The following LRRFIP1 variants were observed in gnomAD, a reference collection of about 807,000 sequenced individuals.
LRRFIP1 encodes LRR binding FLII interacting protein 1.
LRRFIP1 carries 62 observed loss-of-function variants against 104.4 expected under a neutral mutation model. The observed-to-expected ratio is 0.59, with a 90% confidence interval of 0.48 to 0.73. LRRFIP1 has a LOEUF of 0.73. LRRFIP1 is among the 30% of genes least tolerant of loss of function. The pLI is 0.00. For synonymous variants in LRRFIP1, 300 were observed against 299.0 expected, an observed-to-expected ratio of 1.00 and a Z score of -0.03; for missense variants, 796 against 824.5, an observed-to-expected ratio of 0.97 and a Z score of 0.42.
At chr2:237,723,860 C>T (rs113681369) in intron 7 of LRRFIP1, among the ~76,000 whole-genome samples, 4 of 152,348 alleles carry the variant, frequency 2.6e-5, no homozygotes, top group African/African-American at 4.8e-5. Flanking sequence ...CTGTTTGCCA[C>T]GCCTTGTGTT....
intron 19 of LRRFIP1, chr2:237,764,037 C>T (rs1485576305): frequency 7.4e-6 from 12 of 1,614,018 alleles, no homozygotes; most frequent in South Asian, 1.1e-5. Context: ...GATGACTTGT[C>T]GGCACCAGGA....
At chr2:237,671,320 A>G (rs74001243) in intron 1 of LRRFIP1, among the ~76,000 whole-genome samples, 2,995 of 152,302 alleles carry the variant, frequency 0.02, 74 homozygotes, top group African/African-American at 0.053. Flanking sequence ...GCTCTGAAAC[A>G]CTTCAACTCC....
chr2:237,733,590 A>G (rs1367920261), intron 8 of LRRFIP1, among the ~76,000 whole-genome samples, 184 bp from the exon 9 acceptor site: 1 of 152,226 alleles, frequency 6.6e-6, no homozygotes, highest in East Asian at 1.9e-4. Flanking sequence ...TCTTTCTTGT[A>G]AATTTTGGAT....
intron 20 of LRRFIP1, among the ~76,000 whole-genome samples, chr2:237,771,302 CAAAA>C (rs61685773): frequency 1.8e-4 from 20 of 109,796 alleles, no homozygotes; most frequent in East Asian, 1.6e-3. Flanking sequence ...TGAAATATTC[CAAAA>C]AAAAAAAAAA....
intron 1 of LRRFIP1, among the ~76,000 whole-genome samples, chr2:237,697,131 C>T (rs531449377): frequency 1.3e-5 from 2 of 152,308 alleles, no homozygotes; most frequent in East Asian, 1.9e-4. Context: ...AACCGATTCT[C>T]CTGCCTCAGA....
At position 237,779,629 on chromosome 2, in the gene LRRFIP1, T is replaced by G. The variant is rs757123582; in HGVS notation, c.*97T>G. The G allele has an allele frequency of 4.5e-6, 5 of 1,117,910 alleles. No individual in the cohort carries two copies. Among genetic ancestry groups the G allele is most frequent in the African/African-American group, 1.6e-5 (1 of 64,410 alleles). 69.2% of individuals were successfully genotyped at this position (1,117,910 alleles called of 1,614,324 possible). Reference sequence around the variant, plus strand: ...TGGGAGCGCTGCTTCTTCCCCTGCCTTCCGAGAGACGAAGACCGTGGCGAG... The same window carrying G: ...TGGGAGCGCTGCTTCTTCCCCTGCCGTCCGAGAGACGAAGACCGTGGCGAG... On this transcript the variant is annotated 3_prime_UTR_variant, in exon 24 of 24. Coordinates refer to ENST00000308482, the MANE Select transcript of LRRFIP1 (RefSeq NM_001137550.2).
chr2:237,629,349 G>C (rs1460075557), intron 1 of LRRFIP1, among the ~76,000 whole-genome samples: 1 of 152,136 alleles, frequency 6.6e-6, no homozygotes, highest in African/African-American at 2.4e-5. Flanking sequence ...TCCCTGCAAG[G>C]GCCAGAGGTG....
At chr2:237,733,730 T>C (rs368954435) in intron 8 of LRRFIP1, 44 bp from the exon 9 acceptor site, 11 of 1,604,004 alleles carry the variant, frequency 6.9e-6, no homozygotes, top group Middle Eastern at 1.6e-4. Context: ...TTGTTGCTGT[T>C]TTTTCAAGGC....
chr2:237,672,529 A>G (rs554150818), intron 1 of LRRFIP1, among the ~76,000 whole-genome samples: 5 of 152,254 alleles, frequency 3.3e-5, no homozygotes, highest in Admixed American at 1.3e-4. Context: ...TATTTGAAAA[A>G]TAAAAGATCT....
intron 11 of LRRFIP1, among the ~76,000 whole-genome samples, chr2:237,747,266 G>T (rs188486561): frequency 6.6e-6 from 1 of 152,226 alleles, no homozygotes; most frequent in South Asian, 2.1e-4. Context: ...TGTTGTTTTA[G>T]TGTTGCTCCA....
intron 1 of LRRFIP1, among the ~76,000 whole-genome samples, chr2:237,639,409 T>C (rs947760694): frequency 6.6e-6 from 1 of 152,246 alleles, no homozygotes; most frequent in Admixed American, 6.5e-5. Flanking sequence ...ATTCTTGGCA[T>C]TGAGACAGCC....
At chr2:237,699,605 G>A (rs1025121095) in intron 1 of LRRFIP1, among the ~76,000 whole-genome samples, 5 of 152,284 alleles carry the variant, frequency 3.3e-5, no homozygotes, top group Non-Finnish European at 7.4e-5. Flanking sequence ...GCCTGCCTCG[G>A]CCTCCCAAAG....
intron 1 of LRRFIP1, among the ~76,000 whole-genome samples, chr2:237,673,261 C>T (rs2090616282): frequency 6.6e-6 from 1 of 152,222 alleles, no homozygotes; most frequent in African/African-American, 2.4e-5. Flanking sequence ...TGTCCCTGGT[C>T]TGTAGGAGAT....
At position 237,748,328 on chromosome 2, in the gene LRRFIP1, T is replaced by G. The variant is rs115637672; in HGVS notation, c.634-36T>G. 4,827 of 1,454,890 alleles carry G rather than the reference T, an allele frequency of 3.3e-3. 115 individuals carry two copies. The African/African-American group carries it at 0.053, about 16-fold the overall frequency. 90.1% of individuals were successfully genotyped at this position (1,454,890 alleles called of 1,614,324 possible). A position where few individuals can be genotyped will look rare whatever the true frequency, so the allele number is the denominator to read the frequency against. On this transcript the variant is annotated intron_variant, in intron 11 of 23. Transcript: ENST00000308482. ...CTTCATGTTATCCATTTAATGCTTT[T>G]AAAGTATTTAATATTTTGTCTGTTT...
chr2:237,756,527 C>T (rs76826644), intron 16 of LRRFIP1, among the ~76,000 whole-genome samples: 4 of 152,180 alleles, frequency 2.6e-5, no homozygotes, highest in East Asian at 1.9e-4. Context: ...TTAATTACTT[C>T]GTAAAAACCC....
chr2:237,779,514 A>G lies in LRRFIP1; in HGVS notation c.1905A>G (p.Ala635=), dbSNP rs376814463. Residue 635 remains alanine (A), a synonymous_variant, in exon 24 of 24, where the codon GCA becomes GCG. Coordinates refer to ENST00000308482, the MANE Select transcript of LRRFIP1 (RefSeq NM_001137550.2). ...AAAAAATGAAAGCAAATCGGAGTGC[A>G]CTCTTGTCCCAGCAGTAAATTCCAG... ...RLEKMKANRS[A]LLSQQ 8 of 1,613,358 alleles carry G rather than the reference A, an allele frequency of 5.0e-6. No individual in the cohort carries two copies. In the African/African-American group the frequency reaches 1.1e-4, roughly 22 times the overall value.
intron 23 of LRRFIP1, among the ~76,000 whole-genome samples, chr2:237,775,433 G>A (rs2061000499): frequency 6.6e-6 from 1 of 152,232 alleles, no homozygotes; most frequent in Non-Finnish European, 1.5e-5. Flanking sequence ...CCGTGAGGCA[G>A]GGCCCTGGAG....
chr2:237,694,304 T>C (rs2093017551), intron 1 of LRRFIP1, among the ~76,000 whole-genome samples: 1 of 152,258 alleles, frequency 6.6e-6, no homozygotes, highest in Admixed American at 6.5e-5. Context: ...CCAAGGGTTT[T>C]CAGAGAGAAG....
At chr2:237,764,263 G>C in intron 19 of LRRFIP1, 2 of 1,592,600 alleles carry the variant, frequency 1.3e-6, no homozygotes, top group Non-Finnish European at 1.7e-6. Context: ...CAATTACCAG[G>C]TGCTCTACTG....
Sources: allele counts gnomAD v4.1 joint callset (sites outside exome capture counted in the v4.1 genomes callset), GRCh38; gene constraint gnomAD v4.1.1; transcripts MANE v1.5; gene names NCBI Gene and HGNC (gene_info 2026-07-23, HGNC 2026-07-21).